Variants in CLASP2 observed in about 807,000 individuals in gnomAD.
The protein encoded by CLASP2 is CLIP-associating protein 2.
CLASP2 carries 47 observed loss-of-function variants against 194.4 expected under a neutral mutation model. That is an observed-to-expected ratio of 0.24 (90% CI 0.19 to 0.31). The LOEUF is 0.31. Among genes scored for constraint, CLASP2 ranks in the 10% least tolerant of loss-of-function variants. CLASP2 has a pLI of 1.00. For synonymous variants in CLASP2, 619 were observed against 633.5 expected, an observed-to-expected ratio of 0.98 and a Z score of 0.34; for missense variants, 1,445 against 1,823.6, an observed-to-expected ratio of 0.79 and a Z score of 3.78.
Position 33,581,899 on chromosome 3 carries a change from C to T in CLASP2, c.2269G>A (p.Val757Met), listed in dbSNP as rs2066235462. Residue 757 changes from valine to methionine, a missense_variant, in exon 23 of 39, where the codon GTG becomes ATG. Val to Met is a conservative substitution (Grantham distance 21). This residue lies in a region of CLASP2 where 732 missense variants were observed against 987.9 expected (regional missense o/e 0.74). Transcript: ENST00000682230. ...ARSSRIPRPS[V>M]SQGCSREASR... ...GCTTCCCGGCTGCATCCTTGACTCA[C>T]ACTTGGTCGAGGAATACGACTGCTT... is the stretch of plus-strand genomic sequence containing the variant. 1 of 1,613,572 alleles carries T rather than the reference C, an allele frequency of 6.2e-7. No homozygotes were observed. The highest frequency in any genetic ancestry group is 8.5e-7 in the Non-Finnish European group (1 of 1,179,680).
chr3:33,700,547 T>C (rs1379869970), intron 1 of CLASP2, among the ~76,000 whole-genome samples: 1 of 151,882 alleles, frequency 6.6e-6, no homozygotes, highest in Non-Finnish European at 1.5e-5. Flanking sequence ...AAGGTCACTA[T>C]AAAAAAATCA....
Position 33,515,035 on chromosome 3 carries a change from T to C in CLASP2, c.4110+988A>G, listed in dbSNP as rs142618596. Among the ~76,000 whole-genome samples the C allele has an allele frequency of 6.9e-3, 1,051 of 152,206 alleles. 13 individuals carry two copies. The highest frequency in any genetic ancestry group is 0.023 in the African/African-American group (958 of 41,524). On this transcript the variant is annotated intron_variant, in intron 36 of 38. Transcript: ENST00000682230. ...GAGCTAGGCTATGAGGGTGCAAAGG[T>C]ATAAAATGATACAATGGACTTTGGG...
intron 22 of CLASP2, among the ~76,000 whole-genome samples, chr3:33,582,791 A>G (rs1231428247): frequency 6.6e-6 from 1 of 152,350 alleles, no homozygotes; most frequent in East Asian, 1.9e-4. Flanking sequence ...AAGACTGACT[A>G]AAGGTGGAGT....
intron 1 of CLASP2, among the ~76,000 whole-genome samples, chr3:33,702,708 G>A (rs547731253): frequency 3.3e-5 from 5 of 152,248 alleles, no homozygotes; most frequent in Admixed American, 3.3e-4. Flanking sequence ...TATCTGTTAA[G>A]GGACTTGTAT....
chr3:33,581,677 A>C (rs1437742402), intron 23 of CLASP2, 144 bp downstream of exon 23: 1 of 599,922 alleles, frequency 1.7e-6, no homozygotes, highest in Non-Finnish European at 3.0e-6. Context: ...CCAAACATGT[A>C]ATTTCCTTTC....
At chr3:33,660,632 T>C (rs2085151047) in intron 7 of CLASP2, among the ~76,000 whole-genome samples, 1 of 152,214 alleles carries the variant, frequency 6.6e-6, no homozygotes, top group African/African-American at 2.4e-5. Context: ...TTTACCATAA[T>C]AGTTTCTGGT....
chr3:33,672,969 G>T (rs1232504365), intron 6 of CLASP2, among the ~76,000 whole-genome samples: 4 of 152,144 alleles, frequency 2.6e-5, no homozygotes, highest in African/African-American at 9.7e-5. Context: ...CGTCTGACTG[G>T]TGTACCTGAA....
intron 19 of CLASP2, among the ~76,000 whole-genome samples, chr3:33,596,295 A>G (rs1366653565): frequency 1.3e-5 from 2 of 152,170 alleles, no homozygotes; most frequent in Admixed American, 1.3e-4. Flanking sequence ...TCATTTTCAA[A>G]AACAATCATA....
At chr3:33,535,530 A>G (rs747439689) in intron 33 of CLASP2, 69 bp from the exon 34 acceptor site, 7 of 1,254,004 alleles carry the variant, frequency 5.6e-6, no homozygotes, top group Non-Finnish European at 7.8e-6. Context: ...CATTCTAAAA[A>G]GATATTTCTC....
Position 33,602,953 on chromosome 3 carries a change from T to G in CLASP2, c.1923A>C (p.Leu641=). The G allele has an allele frequency of 6.2e-7, 1 of 1,608,698 alleles. No homozygotes were observed. Among genetic ancestry groups the G allele is most frequent in the Non-Finnish European group, 8.5e-7 (1 of 1,177,308 alleles). Residue 641 remains leucine (L), a splice_region_variant and synonymous_variant, in exon 18 of 39, where the codon CTA becomes CTC. Coordinates refer to ENST00000682230, the MANE Select transcript of CLASP2 (RefSeq NM_001365631.1). Reference sequence around the variant, plus strand: ...ATTTTCCATAATCAGTTCTCTTACCTAGTGACGCATAGGAACCTGCATTCA... The same window carrying G: ...ATTTTCCATAATCAGTTCTCTTACCGAGTGACGCATAGGAACCTGCATTCA... ...GALNAGSYAS[L]EDTSDKLDGT...
chr3:33,511,335 C>T (rs940022521), intron 36 of CLASP2, among the ~76,000 whole-genome samples: 7 of 152,006 alleles, frequency 4.6e-5, no homozygotes, highest in Non-Finnish European at 7.4e-5. Flanking sequence ...CTGCCGTGAG[C>T]GGCCTTAAAG....
At chr3:33,713,012 CAAAAA>C (rs57940200) in intron 1 of CLASP2, among the ~76,000 whole-genome samples, 45 of 46,994 alleles carry the variant, frequency 9.6e-4, no homozygotes, top group South Asian at 1.7e-3. Context: ...AACTCCACCT[CAAAAA>C]AAAAAAAAAA....
At chr3:33,633,699 A>G (rs1035859760) in intron 8 of CLASP2, among the ~76,000 whole-genome samples, 1 of 150,890 alleles carries the variant, frequency 6.6e-6, no homozygotes, top group Non-Finnish European at 1.5e-5. Flanking sequence ...TTAGGAATAA[A>G]CAGATGAACT....
At chr3:33,701,437 A>C (rs2092367584) in intron 1 of CLASP2, among the ~76,000 whole-genome samples, 1 of 152,208 alleles carries the variant, frequency 6.6e-6, no homozygotes, top group Non-Finnish European at 1.5e-5. Context: ...CTCTACAAAA[A>C]ATTTTAAAAG....
At chr3:33,573,991 A>G (rs1033110499) in intron 24 of CLASP2, among the ~76,000 whole-genome samples, 2 of 152,146 alleles carry the variant, frequency 1.3e-5, no homozygotes, top group African/African-American at 4.8e-5. Flanking sequence ...ATGTATCTAT[A>G]TTGTTTAATT....
chr3:33,634,961 G>C (rs565093797), intron 8 of CLASP2, among the ~76,000 whole-genome samples: 3 of 152,044 alleles, frequency 2.0e-5, no homozygotes, highest in Non-Finnish European at 4.4e-5. Flanking sequence ...TAATATTAAA[G>C]CACTGAAATA....
intron 25 of CLASP2, 114 bp from the exon 26 acceptor site, chr3:33,570,904 G>T: frequency 1.1e-6 from 1 of 927,580 alleles, no homozygotes; most frequent in Non-Finnish European, 1.6e-6. Flanking sequence ...GGTTGGGCAT[G>T]GTGGCTCACG....
chr3:33,685,074 C>T (rs1410354707), intron 5 of CLASP2, among the ~76,000 whole-genome samples: 4 of 151,152 alleles, frequency 2.6e-5, no homozygotes, highest in Non-Finnish European at 5.9e-5. Flanking sequence ...GGCACGGTGG[C>T]TCATGCCTGT....
At chr3:33,605,787 T>G (rs970121548) in intron 16 of CLASP2, among the ~76,000 whole-genome samples, 3 of 151,920 alleles carry the variant, frequency 2.0e-5, no homozygotes, top group African/African-American at 7.3e-5. Flanking sequence ...CCTGGCTAAT[T>G]TTTAGTAGAG....
Sources: allele counts gnomAD v4.1 joint callset (sites outside exome capture counted in the v4.1 genomes callset), GRCh38; gene constraint gnomAD v4.1.1; regional missense constraint gnomAD v4.1.1; transcripts MANE v1.5; gene names NCBI Gene and HGNC (gene_info 2026-07-23, HGNC 2026-07-21).